The following DMWD variants were observed in gnomAD, a reference collection of about 807,000 sequenced individuals.
DMWD encodes dystrophia myotonica WD repeat-containing protein.
A neutral mutation model predicts 45.8 loss-of-function variants in DMWD; 19 were observed. That is an observed-to-expected ratio of 0.41 (90% confidence interval 0.29 to 0.61). DMWD has a LOEUF of 0.61. Among genes scored for constraint, DMWD ranks in the 20% least tolerant of loss-of-function variants. The pLI, the probability that DMWD is intolerant of heterozygous loss-of-function variation, is 0.25. For synonymous variants in DMWD, 515 were observed against 440.5 expected, an observed-to-expected ratio of 1.17 and a Z score of -2.12; for missense variants, 802 against 965.2, an observed-to-expected ratio of 0.83 and a Z score of 2.24.
In DMWD at chr19:45,791,560, G is replaced by A. The variant is rs1269390395; in HGVS notation, c.442-473C>T. Among the ~76,000 whole-genome samples, 4 of 152,000 alleles carry A rather than the reference G, an allele frequency of 2.6e-5. No homozygotes were observed. In the East Asian group the frequency reaches 7.7e-4, roughly 29 times the overall value. On this transcript the variant is annotated intron_variant, in intron 1 of 4. Transcript: ENST00000270223. ...CTCTTCACTTTGTAGTCCCTAAACC[G>A]CCACAGTTCTGGGACCCGTCAAACC...
intron 2 of DMWD, among the ~76,000 whole-genome samples, chr19:45,788,886 A>G (rs1764376079): frequency 1.3e-5 from 2 of 151,194 alleles, no homozygotes; most frequent in South Asian, 4.2e-4. Flanking sequence ...CGAAGATCGT[A>G]CCACTGCACT....
intron 2 of DMWD, chr19:45,787,078 G>GTGGCCA: frequency 1.1e-6 from 1 of 943,848 alleles, no homozygotes; most frequent in East Asian, 2.7e-5. Context: ...GGAAACAGAG[G>GTGGCCA]CTGCTGCAAG....
chr19:45,792,778 G>A lies in DMWD; in HGVS notation c.-22C>T, dbSNP rs1289500103. 3 of 1,113,718 alleles carry A rather than the reference G, an allele frequency of 2.7e-6. No individual in the cohort carries two copies. Among genetic ancestry groups the A allele is most frequent in the South Asian group, 4.3e-5 (1 of 23,326 alleles). The allele number at this position is 1,113,718 out of a possible 1,614,324, so 69.0% of individuals were successfully genotyped here. A position where few individuals can be genotyped will look rare whatever the true frequency, so the allele number is the denominator to read the frequency against. ...CCATCTTGGGCGCCCCCCGGGCCCC[G>A]CCACTGCCGGACTGCCGCCCGCAGC... On this transcript the variant is annotated 5_prime_UTR_variant, in exon 1 of 5. Transcript: ENST00000270223.
chr19:45,786,104 G>A lies in DMWD; in HGVS notation c.1392C>T (p.Gly464=), dbSNP rs551346016. Residue 464 remains glycine (G), a synonymous_variant, in exon 3 of 5, where the codon GGC becomes GGT. Coordinates refer to ENST00000270223, the MANE Select transcript of DMWD (RefSeq NM_004943.2). ...CGGCCGGTGGCGTGGTGCCAGGTGT[G>A]CCAGGGAGGGTGCGGGTGCGGGCCA... ...PPLARTRTLP[G]TPGTTPPAAS... The A allele has an allele frequency of 1.5e-5, 23 of 1,527,678 alleles. No individual in the cohort carries two copies. In the African/African-American group the frequency reaches 2.1e-4, roughly 14 times the overall value. 94.6% of individuals were successfully genotyped at this position (1,527,678 alleles called of 1,614,324 possible).
rs1970370845 is a variant in DMWD at position 45,792,748 on chromosome 19, C to T, written c.9G>A (p.Ala3=). MA[A]GGAEGGSGPG... Reference sequence around the variant, plus strand: ...GGCCCGAGCCGCCCTCCGCGCCGCCCGCCGCCATCTTGGGCGCCCCCCGGG... The same window carrying T: ...GGCCCGAGCCGCCCTCCGCGCCGCCTGCCGCCATCTTGGGCGCCCCCCGGG... The change falls in exon 1 of 5, where the codon GCG becomes GCA. Residue 3 remains alanine (A), a synonymous_variant. Transcript: ENST00000270223. 8.8e-7 allele frequency: 1 copy of T among 1,139,498 alleles called. No individual in the cohort carries two copies. The allele number at this position is 1,139,498 out of a possible 1,614,324, so 70.6% of individuals were successfully genotyped here.
In DMWD at chr19:45,784,700, T is replaced by A. The variant is rs1970247290; in HGVS notation, c.1918A>T (p.Thr640Ser). ...CTTCCTTCCCCTGTCTGGGCCTCGG[T>A]CTCCTCGTCTGTGAACTACGGAGAC... ...RPGKAFTDEE[T>S]EAQTGEGSWP... The change falls in exon 4 of 5, where the codon ACC (threonine) becomes TCC (serine). Residue 640 changes from threonine to serine, a missense_variant. Physicochemically the swap from Thr to Ser is moderately conservative, Grantham distance 58. Coordinates refer to ENST00000270223, the MANE Select transcript of DMWD (RefSeq NM_004943.2). 4.3e-6 allele frequency: 7 copies of A among 1,613,618 alleles called. No individual in the cohort carries two copies. The Admixed American group carries it at 1.0e-4, about 23-fold the overall frequency.
Position 45,786,731 on chromosome 19 carries a change from G to A in DMWD, c.765C>T (p.Ser255=), listed in dbSNP as rs772863688. ...HPCASAPPQY[S]LLKQGEGFSV... ...AGAAGCCCTCGCCCTGCTTCAGCAG[G>A]CTGTACTGGGGCGGGGCCGAGGCGC... The change falls in exon 3 of 5, where the codon AGC becomes AGT. Residue 255 remains serine, a synonymous_variant. Transcript: ENST00000270223. The A allele has an allele frequency of 6.2e-7, 1 of 1,613,656 alleles. No individual in the cohort carries two copies. Among genetic ancestry groups the A allele is most frequent in the Non-Finnish European group, 8.5e-7 (1 of 1,179,660 alleles).
Position 45,785,768 on chromosome 19 carries a change from G to T in DMWD, c.1728C>A (p.Ala576=). Residue 576 remains alanine, a synonymous_variant, in exon 3 of 5, where the codon GCC becomes GCA. Coordinates refer to ENST00000270223, the MANE Select transcript of DMWD (RefSeq NM_004943.2). ...GPVPRSRLDP[A]KVLGTALCPR... is the part of the protein sequence containing the mutation. ...GGCACAGCGCAGTGCCCAGCACCTT[G>T]GCGGGGTCCAGGCGGCTGCGGGGAA... The T allele has an allele frequency of 6.2e-7, 1 of 1,611,386 alleles. No homozygotes were observed. The highest frequency in any genetic ancestry group is 8.5e-7 in the Non-Finnish European group (1 of 1,179,010).
chr19:45,787,706 C>G (rs1970300514), intron 2 of DMWD, among the ~76,000 whole-genome samples: 1 of 152,232 alleles, frequency 6.6e-6, no homozygotes, highest in South Asian at 2.1e-4. Context: ...AGACAAAAAA[C>G]CTCGGCATCT....
chr19:45,790,241 G>A (rs1970337886), intron 2 of DMWD: 1 of 151,760 alleles, frequency 6.6e-6, no homozygotes, highest in African/African-American at 2.4e-5. Context: ...AACCTGGGAG[G>A]CGGAGGTTGC....
intron 4 of DMWD, 29 bp downstream of exon 4, chr19:45,784,609 GTGC>G (rs1214867854): frequency 6.2e-7 from 1 of 1,613,956 alleles, no homozygotes; most frequent in Non-Finnish European, 8.5e-7. Context: ...GGACCCTGAG[GTGC>G]TGGGGAAAGA....
rs759388285 is a variant in DMWD, at chr19:45,786,250, C to T, written c.1246G>A (p.Ala416Thr). ...GCCTTGGGCAGTGGAGAGAGCGGGG[C>T]GCCCCCGGCCGAGCCTGTGCCCGCA... Reference protein sequence around the residue: ...EAAGTGSAGGAPLSPLPKAGS... With the variant: ...EAAGTGSAGGTPLSPLPKAGS... The change falls in exon 3 of 5, where the codon GCC (alanine) becomes ACC (threonine). Residue 416 changes from alanine (A) to threonine (T), a missense_variant. By Grantham distance (58) the Ala-to-Thr change is moderately conservative. Around this residue, in one of 9 missense-constraint regions of DMWD, gnomAD observed 67 missense variants for 57.9 expected, o/e 1.16. Coordinates refer to ENST00000270223, the MANE Select transcript of DMWD (RefSeq NM_004943.2). 3.1e-6 allele frequency: 5 copies of T among 1,607,362 alleles called. No individual in the cohort carries two copies. The Admixed American group carries it at 5.0e-5, about 16-fold the overall frequency.
At chr19:45,784,619 A>C in intron 4 of DMWD, 22 bp downstream of exon 4, 1 of 1,613,952 alleles carries the variant, frequency 6.2e-7, no homozygotes, top group Non-Finnish European at 8.5e-7. Flanking sequence ...GTGCTGGGGA[A>C]AGAACTCAGG....
rs1431819226 is a variant in DMWD at position 45,791,028 on chromosome 19, G to T, written c.501C>A (p.Cys167Ter). 1 of 1,613,724 alleles carries T rather than the reference G, an allele frequency of 6.2e-7. No homozygotes were observed. Among genetic ancestry groups the T allele is most frequent in the Non-Finnish European group, 8.5e-7 (1 of 1,179,884 alleles). The change falls in exon 2 of 5, where the codon TGC becomes TGA. Residue 167 changes from cysteine to a stop codon, truncating the protein, a stop_gained. Coordinates refer to ENST00000270223, the MANE Select transcript of DMWD (RefSeq NM_004943.2). LOFTEE classifies it high-confidence loss of function. ...KRIYKGTQPT[C>*]HDFNQFTAAT... ...CAGCAGTGAACTGGTTGAAATCGTG[G>T]CAGGTGGGCTGGGTGCCCTTGTAGA... is the stretch of plus-strand genomic sequence containing the variant.
rs773634172 is a variant in DMWD, at chr19:45,784,189, G to A, written c.*54C>T. On this transcript the variant is annotated 3_prime_UTR_variant, in exon 5 of 5. Coordinates refer to ENST00000270223, the MANE Select transcript of DMWD (RefSeq NM_004943.2). ...TTGATCTGTGAGGTCAGCAGGGAGG[G>A]TTATGGCTAGGAGGCTGGGGGCATG... 11 of 1,468,420 alleles carry A rather than the reference G, an allele frequency of 7.5e-6. No homozygotes were observed. The South Asian group carries it at 1.1e-4, about 14-fold the overall frequency. The allele number at this position is 1,468,420 out of a possible 1,614,324, so 91.0% of individuals were successfully genotyped here. A position where few individuals can be genotyped will look rare whatever the true frequency, so the allele number is the denominator to read the frequency against.
chr19:45,786,989 C>A, intron 2 of DMWD, 118 bp from the exon 3 acceptor site: 1 of 1,479,732 alleles, frequency 6.8e-7, no homozygotes, highest in Non-Finnish European at 9.0e-7. Flanking sequence ...CAGCAGGTGC[C>A]ACACCAGGCC....
In DMWD at chr19:45,784,703, C is replaced by G. The variant is rs1159673116; in HGVS notation, c.1915G>C (p.Glu639Gln). The change falls in exon 4 of 5, where the codon GAG becomes CAG. Residue 639 changes from glutamate (E) to glutamine (Q), a missense_variant. Coordinates refer to ENST00000270223, the MANE Select transcript of DMWD (RefSeq NM_004943.2). The part of the protein sequence containing the change: ...ARPGKAFTDE[E>Q]TEAQTGEGSW... ...CCTTCCCCTGTCTGGGCCTCGGTCT[C>G]CTCGTCTGTGAACTACGGAGACAGA... is the stretch of plus-strand genomic sequence containing the variant. The G allele has an allele frequency of 6.2e-7, 1 of 1,613,808 alleles. No individual in the cohort carries two copies. Among genetic ancestry groups the G allele is most frequent in the Non-Finnish European group, 8.5e-7 (1 of 1,179,814 alleles).
chr19:45,787,098 G>A, intron 2 of DMWD: 1 of 768,650 alleles, frequency 1.3e-6, no homozygotes, highest in South Asian at 1.9e-5. Flanking sequence ...GGTGGCCACA[G>A]GGTGCTCCAA....
At chr19:45,787,191 G>A (rs1349723619) in intron 2 of DMWD, 4 of 433,300 alleles carry the variant, frequency 9.2e-6, no homozygotes, top group Non-Finnish European at 8.5e-6. Context: ...CTCAACCTCC[G>A]GGCCATGGAA....
Sources: allele counts gnomAD v4.1 joint callset (sites outside exome capture counted in the v4.1 genomes callset), GRCh38; gene constraint gnomAD v4.1.1; regional missense constraint gnomAD v4.1.1; transcripts MANE v1.5; gene names NCBI Gene and HGNC (gene_info 2026-07-23, HGNC 2026-07-21).